Variants in GEMIN6 observed in about 807,000 individuals in gnomAD.
GEMIN6 encodes gem-associated protein 6.
Under a neutral mutation model 14.1 loss-of-function variants are expected in GEMIN6, and 13 were observed. The ratio of observed to expected loss-of-function variants is 0.92; its 90% CI spans 0.60 to 1.46. The LOEUF is 1.46. GEMIN6 is among the 40% of genes most tolerant of loss of function. The pLI is 0.00. For synonymous variants in GEMIN6, 87 were observed against 70.0 expected, an observed-to-expected ratio of 1.24 and a Z score of -1.21; for missense variants, 271 against 202.4, an observed-to-expected ratio of 1.34 and a Z score of -2.06.
At chr2:38,780,001 T>G (rs1669043835) in intron 2 of GEMIN6, among the ~76,000 whole-genome samples, 1 of 151,122 alleles carries the variant, frequency 6.6e-6, no homozygotes, top group Non-Finnish European at 1.5e-5. Flanking sequence ...TGTTTATAAA[T>G]ACTTCACTAT....
In GEMIN6 at chr2:38,784,759, A is replaced by G. The variant is rs1669166482; in HGVS notation, c.*2867A>G. 1 of 152,218 alleles carries G rather than the reference A, an allele frequency of 6.6e-6. No homozygotes were observed. Among genetic ancestry groups the G allele is most frequent in the Non-Finnish European group, 1.5e-5 (1 of 68,046 alleles). 9.4% of individuals were successfully genotyped at this position (152,218 alleles called of 1,614,324 possible). ...AGGGTAAGTGATCCTGATCTGCCAT[A>G]GAAACCTTCATGCTTAGGGAGTTTC... is the stretch of plus-strand genomic sequence containing the variant. On this transcript the variant is annotated 3_prime_UTR_variant, in exon 3 of 3. Transcript: ENST00000281950.
At chr2:38,780,513 T>C (rs957343565) in intron 2 of GEMIN6, among the ~76,000 whole-genome samples, 4 of 151,148 alleles carry the variant, frequency 2.6e-5, no homozygotes, top group African/African-American at 9.7e-5. Context: ...TACAGGCGTG[T>C]ATTTTTAGTA....
rs1464871276 is a variant in GEMIN6 at position 38,781,798 on chromosome 2, C to T, written c.410C>T (p.Pro137Leu). Residue 137 changes from proline to leucine, a missense_variant, in exon 3 of 3, where the codon CCA (proline) becomes CTA (leucine). Physicochemically the swap from Pro to Leu is moderately conservative, Grantham distance 98. Coordinates refer to ENST00000281950, the MANE Select transcript of GEMIN6 (RefSeq NM_024775.10). ...LCVAGVLTID[P>L]PYGPENCSSS... ...GTGGCTGGGGTCCTGACTATAGACCCACCATATGGTCCAGAAAATTGCAGC... is the reference window on the plus strand; with the variant it reads ...GTGGCTGGGGTCCTGACTATAGACCTACCATATGGTCCAGAAAATTGCAGC... 6.2e-6 allele frequency: 10 copies of T among 1,614,016 alleles called. No individual in the cohort carries two copies. In the East Asian group the frequency reaches 6.7e-5, roughly 11 times the overall value.
At chr2:38,778,507 G>A (rs1384336491) in intron 1 of GEMIN6, among the ~76,000 whole-genome samples, 1 of 152,168 alleles carries the variant, frequency 6.6e-6, no homozygotes, top group African/African-American at 2.4e-5. Flanking sequence ...CAGAGAGCGC[G>A]TGGGTGGATA....
Position 38,781,832 on chromosome 2 carries a change from T to A in GEMIN6, c.444T>A (p.Asn148Lys). The A allele has an allele frequency of 1.2e-6, 2 of 1,604,800 alleles. No homozygotes were observed. The highest frequency in any genetic ancestry group is 2.2e-5 in the South Asian group (2 of 90,878). ...PYGPENCSSS[N>K]EIILSRVQDL... ...GTCCAGAAAATTGCAGCAGCTCTAA[T>A]GAGATTATTCTGTCGCGTGTTCAGG... Residue 148 changes from asparagine (N) to lysine (K), a missense_variant, in exon 3 of 3, where the codon AAT becomes AAA. Physicochemically the swap from Asn to Lys is moderately conservative, Grantham distance 94. Coordinates refer to ENST00000281950, the MANE Select transcript of GEMIN6 (RefSeq NM_024775.10).
intron 1 of GEMIN6, among the ~76,000 whole-genome samples, chr2:38,778,757 T>TA (rs1453647532): frequency 6.6e-6 from 1 of 152,200 alleles, no homozygotes; most frequent in Non-Finnish European, 1.5e-5. Flanking sequence ...CTTTTCCTGA[T>TA]AAAAATTCTC....
Position 38,779,171 on chromosome 2 carries a change from T to C in GEMIN6, c.128+53T>C, listed in dbSNP as rs796918001. 7 of 1,532,236 alleles carry C rather than the reference T, an allele frequency of 4.6e-6. No homozygotes were observed. In the African/African-American group the frequency reaches 6.9e-5, roughly 15 times the overall value. The allele number at this position is 1,532,236 out of a possible 1,614,324, so 94.9% of individuals were successfully genotyped here. On this transcript the variant is annotated intron_variant, in intron 2 of 2. Transcript: ENST00000281950. ...TCTTGACACCCCTTTGTGCTGCCTGTATGTTATAGACAAACTAAGAAAGCA... is the reference window on the plus strand; with the variant it reads ...TCTTGACACCCCTTTGTGCTGCCTGCATGTTATAGACAAACTAAGAAAGCA...
chr2:38,780,090 G>A (rs1163326223), intron 2 of GEMIN6, among the ~76,000 whole-genome samples: 3 of 151,414 alleles, frequency 2.0e-5, no homozygotes, highest in East Asian at 2.0e-4. Context: ...AGGCCGAGGC[G>A]GGTGGATCAC....
intron 2 of GEMIN6, 48 bp downstream of exon 2, chr2:38,779,166 G>C: frequency 1.3e-6 from 2 of 1,553,944 alleles, no homozygotes; most frequent in Non-Finnish European, 8.8e-7. Context: ...CCTTTGTGCT[G>C]CCTGTATGTT....
intron 2 of GEMIN6, 139 bp downstream of exon 2, chr2:38,779,257 G>C: frequency 1.2e-6 from 1 of 869,064 alleles, no homozygotes; most frequent in Non-Finnish European, 1.8e-6. Flanking sequence ...GTTTGAGACA[G>C]GGTTCTACTG....
chr2:38,779,064 G>A lies in GEMIN6; in HGVS notation c.74G>A (p.Ser25Asn), dbSNP rs142049461. The A allele has an allele frequency of 6.2e-7, 1 of 1,613,852 alleles. No homozygotes were observed. Among genetic ancestry groups the A allele is most frequent in the African/African-American group, 1.3e-5 (1 of 74,916 alleles). ...YIYKEVRVTA[S>N]EKNEYKGWVL... ...TACAAAGAGGTCCGAGTGACAGCCAGTGAGAAGAATGAGTATAAAGGATGG... is the reference window on the plus strand; with the variant it reads ...TACAAAGAGGTCCGAGTGACAGCCAATGAGAAGAATGAGTATAAAGGATGG... Residue 25 changes from serine to asparagine, a missense_variant, in exon 2 of 3, where the codon AGT (serine) becomes AAT (asparagine). Transcript: ENST00000281950.
At chr2:38,780,078 G>C (rs1669045214) in intron 2 of GEMIN6, among the ~76,000 whole-genome samples, 2 of 151,532 alleles carry the variant, frequency 1.3e-5, no homozygotes, top group African/African-American at 4.8e-5. Flanking sequence ...CAGCACTTTG[G>C]GAGGCCGAGG....
intron 2 of GEMIN6, among the ~76,000 whole-genome samples, chr2:38,779,654 A>ATTTTT (rs1558337890): frequency 3.8e-5 from 1 of 26,402 alleles, no homozygotes; most frequent in South Asian, 1.8e-3. Flanking sequence ...ATATATATAT[A>ATTTTT]TATATATATA....
In GEMIN6 at chr2:38,781,504, T is replaced by G; in HGVS notation, c.129-13T>G. 1 of 1,593,086 alleles carries G rather than the reference T, an allele frequency of 6.3e-7. No individual in the cohort carries two copies. Among genetic ancestry groups the G allele is most frequent in the South Asian group, 1.1e-5 (1 of 87,654 alleles). ...GGGTTGATGATGCCTCTAAACTTAC[T>G]TTTCCTCCAAAGTATTGTCCTTGTG... On this transcript the variant is annotated splice_polypyrimidine_tract_variant and intron_variant, in intron 2 of 2. Coordinates refer to ENST00000281950, the MANE Select transcript of GEMIN6 (RefSeq NM_024775.10).
At chr2:38,778,302 G>A (rs959514514) in intron 1 of GEMIN6, 21 bp downstream of exon 1, 1 of 152,306 alleles carries the variant, frequency 6.6e-6, no homozygotes, top group Admixed American at 6.5e-5. Flanking sequence ...CGTTTGTCAG[G>A]GTTAAACGTT....
chr2:38,782,082 G>C lies in GEMIN6; in HGVS notation c.*190G>C. 5.6e-6 allele frequency: 3 copies of C among 535,660 alleles called. No homozygotes were observed. The highest frequency in any genetic ancestry group is 9.7e-6 in the Non-Finnish European group (3 of 310,546). The allele number at this position is 535,660 out of a possible 1,614,324, so 33.2% of individuals were successfully genotyped here. A position where few individuals can be genotyped will look rare whatever the true frequency, so the allele number is the denominator to read the frequency against. On this transcript the variant is annotated 3_prime_UTR_variant, in exon 3 of 3. Transcript: ENST00000281950. ...TTGGGAAATTAATGAACTAGGGCAA[G>C]TATAGCATCCCATGCATAAAATTAG...
rs777789159 is a variant in GEMIN6, at chr2:38,779,086, A to T, written c.96A>T (p.Gly32=). ...VTASEKNEYK[G]WVLTTDPVSA... ...CCAGTGAGAAGAATGAGTATAAAGG[A>T]TGGGTTTTAACTACAGACCCAGTCT... Residue 32 remains glycine, a synonymous_variant, in exon 2 of 3, where the codon GGA becomes GGT. Coordinates refer to ENST00000281950, the MANE Select transcript of GEMIN6 (RefSeq NM_024775.10). 1 of 1,613,882 alleles carries T rather than the reference A, an allele frequency of 6.2e-7. No individual in the cohort carries two copies. The highest frequency in any genetic ancestry group is 8.5e-7 in the Non-Finnish European group (1 of 1,179,890).
rs1166903482 is a variant in GEMIN6 at position 38,779,664 on chromosome 2, A to ATT, written c.128+572_128+573dup. ...TATATATATATATATATATATATATATTTTTTTTTTTTTTTTTTTTTTTTT... is the reference window on the plus strand; with the variant it reads ...TATATATATATATATATATATATATATTTTTTTTTTTTTTTTTTTTTTTTTTT... On this transcript the variant is annotated intron_variant, in intron 2 of 2. Transcript: ENST00000281950. Among the ~76,000 whole-genome samples the ATT allele has an allele frequency of 8.2e-4, 17 of 20,776 alleles. 1 individual carries two copies. The South Asian group carries it at 0.01, about 12-fold the overall frequency. The allele number at this position is 20,776 out of a possible 152,430, so 13.6% of individuals were successfully genotyped here. A position where few individuals can be genotyped will look rare whatever the true frequency, so the allele number is the denominator to read the frequency against.
Position 38,779,036 on chromosome 2 carries a change from A to C in GEMIN6, c.46A>C (p.Ile16Leu). Residue 16 changes from isoleucine to leucine, a missense_variant, in exon 2 of 3, where the codon ATT (isoleucine) becomes CTT (leucine). Ile to Leu is a conservative substitution (Grantham distance 5). Coordinates refer to ENST00000281950, the MANE Select transcript of GEMIN6 (RefSeq NM_024775.10). The stretch of plus-strand genomic sequence containing the variant: ...AGGCCCCTTAGAATGGCAAGATTAC[A>C]TTTACAAAGAGGTCCGAGTGACAGC... ...KKGPLEWQDY[I>L]YKEVRVTASE... 6.2e-7 allele frequency: 1 copy of C among 1,613,870 alleles called. No homozygotes were observed. Among genetic ancestry groups the C allele is most frequent in the African/African-American group, 1.3e-5 (1 of 75,008 alleles).
Sources: allele counts gnomAD v4.1 joint callset (sites outside exome capture counted in the v4.1 genomes callset), GRCh38; gene constraint gnomAD v4.1.1; transcripts MANE v1.5; gene names NCBI Gene and HGNC (gene_info 2026-07-23, HGNC 2026-07-21).